Variants in SCFD2 observed in about 807,000 individuals in gnomAD.
The protein encoded by SCFD2 is sec1 family domain containing 2.
Under a neutral mutation model 58.9 loss-of-function variants are expected in SCFD2, and 54 were observed. That is an observed-to-expected ratio of 0.92 (90% CI 0.74 to 1.15). SCFD2 has a LOEUF of 1.15. SCFD2 is among the 50% of genes most tolerant of loss of function. SCFD2 has a pLI of 0.00. For missense variants in SCFD2, 805 were observed against 836.6 expected (o/e 0.96, Z 0.47); for synonymous variants, 321 against 335.9 (o/e 0.96, Z 0.49).
At chr4:53,175,539 C>T (rs1727302939) in intron 4 of SCFD2, among the ~76,000 whole-genome samples, 1 of 152,108 alleles carries the variant, frequency 6.6e-6, no homozygotes, top group Non-Finnish European at 1.5e-5. Flanking sequence ...ATTGAAACTC[C>T]TAATTGAAAT....
At chr4:53,341,305 C>T (rs1733864280) in intron 2 of SCFD2, among the ~76,000 whole-genome samples, 1 of 152,096 alleles carries the variant, frequency 6.6e-6, no homozygotes, top group Non-Finnish European at 1.5e-5. Flanking sequence ...AACTATATGA[C>T]ACATGCACAA....
At chr4:53,319,584 G>A (rs1206110471) in intron 2 of SCFD2, among the ~76,000 whole-genome samples, 1 of 151,202 alleles carries the variant, frequency 6.6e-6, no homozygotes, top group Non-Finnish European at 1.5e-5. Context: ...CCAGGCTCAA[G>A]TGCAGTGGCA....
chr4:52,930,205 T>C (rs2109496369), intron 5 of SCFD2, among the ~76,000 whole-genome samples: 1 of 152,066 alleles, frequency 6.6e-6, no homozygotes, highest in East Asian at 1.9e-4. Context: ...AGACCACACA[T>C]CTACAACCAT....
intron 2 of SCFD2, among the ~76,000 whole-genome samples, chr4:53,315,930 C>G (rs1732848973): frequency 6.6e-6 from 1 of 152,132 alleles, no homozygotes; most frequent in Non-Finnish European, 1.5e-5. Flanking sequence ...TCAGATAAAT[C>G]TGGGTTCGAA....
intron 5 of SCFD2, among the ~76,000 whole-genome samples, chr4:53,001,649 A>G (rs1721867840): frequency 6.6e-6 from 1 of 152,266 alleles, no homozygotes; most frequent in Non-Finnish European, 1.5e-5. Flanking sequence ...ATAGGACAAT[A>G]CAAAACGGTG....
chr4:53,046,192 T>C (rs984049213), intron 5 of SCFD2, among the ~76,000 whole-genome samples: 2 of 152,188 alleles, frequency 1.3e-5, no homozygotes, highest in African/African-American at 4.8e-5. Context: ...GAGTCAGCAG[T>C]GGCATAAATT....
intron 5 of SCFD2, among the ~76,000 whole-genome samples, chr4:53,081,749 C>T (rs1181339561): frequency 1.3e-5 from 2 of 152,080 alleles, no homozygotes; most frequent in African/African-American, 4.8e-5. Context: ...CAAGATTGTA[C>T]AAGTGTCATG....
chr4:52,974,906 A>G (rs1721209899), intron 5 of SCFD2, among the ~76,000 whole-genome samples: 1 of 152,218 alleles, frequency 6.6e-6, no homozygotes, highest in Admixed American at 6.5e-5. Flanking sequence ...CCTGACAAAA[A>G]CAAGAAATGG....
intron 5 of SCFD2, among the ~76,000 whole-genome samples, chr4:53,071,417 A>C (rs960977597): frequency 3.9e-5 from 6 of 152,108 alleles, no homozygotes; most frequent in Non-Finnish European, 8.8e-5. Context: ...TGGTCCATGG[A>C]CCCCAAATTA....
At chr4:53,008,806 T>C (rs1722034565) in intron 5 of SCFD2, among the ~76,000 whole-genome samples, 1 of 152,226 alleles carries the variant, frequency 6.6e-6, no homozygotes, top group Non-Finnish European at 1.5e-5. Context: ...CTTAATAGAA[T>C]GTGACTGGCC....
At chr4:52,978,981 AC>A (rs752827425) in intron 5 of SCFD2, among the ~76,000 whole-genome samples, 1 of 149,834 alleles carries the variant, frequency 6.7e-6, no homozygotes, top group Non-Finnish European at 1.5e-5. Flanking sequence ...GGGGTCTTGA[AC>A]TCCTGGCTTC....
intron 5 of SCFD2, among the ~76,000 whole-genome samples, chr4:53,114,143 C>T (rs1447533744): frequency 6.6e-6 from 1 of 152,070 alleles, no homozygotes; most frequent in African/African-American, 2.4e-5. Flanking sequence ...GTACATATCT[C>T]ATCGGACTGT....
At chr4:53,248,918 G>A (rs1035882071) in intron 4 of SCFD2, among the ~76,000 whole-genome samples, 26 of 152,334 alleles carry the variant, frequency 1.7e-4, no homozygotes, top group African/African-American at 5.1e-4. Flanking sequence ...CCAAAGGAAC[G>A]CAGTTCCTCA....
intron 5 of SCFD2, among the ~76,000 whole-genome samples, chr4:53,007,385 A>AGAAGGAAGGAAGGAAGGAAGGAAG (rs1423993421): frequency 3.0e-4 from 24 of 79,972 alleles, no homozygotes; most frequent in African/African-American, 7.6e-4. Flanking sequence ...AAGGAAGGAA[A>AGAAGGAAGGAAGGAAGGAAGGAAG]GAAGGAAGGA....
intron 4 of SCFD2, among the ~76,000 whole-genome samples, chr4:53,204,494 A>G (rs1339458396): frequency 6.6e-6 from 1 of 151,618 alleles, no homozygotes; most frequent in African/African-American, 2.4e-5. Context: ...CTTTGAAGAT[A>G]AAGTTGAGAC....
At chr4:53,048,903 C>T (rs1320624210) in intron 5 of SCFD2, among the ~76,000 whole-genome samples, 1 of 152,102 alleles carries the variant, frequency 6.6e-6, no homozygotes, top group Non-Finnish European at 1.5e-5. Context: ...GACTCCCACA[C>T]ACCACTACAC....
At chr4:52,988,201 G>A (rs952621862) in intron 5 of SCFD2, among the ~76,000 whole-genome samples, 11 of 152,156 alleles carry the variant, frequency 7.2e-5, no homozygotes, top group Non-Finnish European at 1.3e-4. Flanking sequence ...GAGAAAATGC[G>A]TTAACTGTAA....
chr4:52,975,782 A>G (rs1721242083), intron 5 of SCFD2, among the ~76,000 whole-genome samples: 2 of 152,222 alleles, frequency 1.3e-5, no homozygotes, highest in Non-Finnish European at 2.9e-5. Flanking sequence ...TCAAATGTCC[A>G]ACAATGATAG....
chr4:53,268,974 G>A (rs1183448579), intron 4 of SCFD2, among the ~76,000 whole-genome samples: 1 of 152,064 alleles, frequency 6.6e-6, no homozygotes, highest in East Asian at 1.9e-4. Flanking sequence ...GAAGGGGGGT[G>A]CAATTATGGA....
Sources: allele counts gnomAD v4.1 joint callset (sites outside exome capture counted in the v4.1 genomes callset), GRCh38; gene constraint gnomAD v4.1.1; transcripts MANE v1.5; gene names NCBI Gene and HGNC (gene_info 2026-07-23, HGNC 2026-07-21).